CEP170: variants seen among roughly 807,000 people sequenced by gnomAD.
CEP170 encodes centrosomal protein 170, also known as centrosomal protein of 170 kDa.
A neutral mutation model predicts 151.9 loss-of-function variants in CEP170; 21 were observed. That is an observed-to-expected ratio of 0.14 (90% CI 0.10 to 0.20). The LOEUF is 0.20. Ranked by LOEUF, CEP170 falls within the 10% of genes least tolerant of loss-of-function variation. The pLI is 1.00. For missense variants in CEP170, 964 were observed against 1,892.9 expected, an observed-to-expected ratio of 0.51 and a Z score of 9.11; for synonymous variants, 356 against 648.8, an observed-to-expected ratio of 0.55 and a Z score of 6.86.
At chr1:243,172,500 T>C (rs2058920345) in intron 11 of CEP170, among the ~76,000 whole-genome samples, 197 bp downstream of exon 11, 3 of 152,178 alleles carry the variant, frequency 2.0e-5, no homozygotes, top group Admixed American at 2.0e-4. Context: ...GGCATGGCGG[T>C]GCACGCCTGT....
chr1:243,189,572 A>T (rs940308561), intron 8 of CEP170, among the ~76,000 whole-genome samples: 1 of 151,868 alleles, frequency 6.6e-6, no homozygotes, highest in Non-Finnish European at 1.5e-5. Context: ...AAAAAAAAAA[A>T]AATAGTAGTA....
intron 1 of CEP170, among the ~76,000 whole-genome samples, chr1:243,239,734 A>G (rs751318798): frequency 6.6e-6 from 1 of 152,156 alleles, no homozygotes; most frequent in Non-Finnish European, 1.5e-5. Context: ...CTGACCACCT[A>G]TCTTGCCCTT....
At chr1:243,224,376 C>T (rs947922282) in intron 2 of CEP170, among the ~76,000 whole-genome samples, 1 of 151,768 alleles carries the variant, frequency 6.6e-6, no homozygotes, top group African/African-American at 2.4e-5. Flanking sequence ...TCCAATCTTT[C>T]GGCTTCCCCG....
chr1:243,139,011 T>C (rs914077583), intron 16 of CEP170, among the ~76,000 whole-genome samples: 1 of 152,220 alleles, frequency 6.6e-6, no homozygotes, highest in African/African-American at 2.4e-5. Flanking sequence ...ATTGAATGAT[T>C]ATAATCTCAC....
chr1:243,146,840 T>C (rs137997663), intron 14 of CEP170, among the ~76,000 whole-genome samples: 83 of 152,240 alleles, frequency 5.5e-4, no homozygotes, highest in African/African-American at 1.9e-3. Context: ...GGGACTTATA[T>C]AACAGCACAT....
At chr1:243,147,810 A>G (rs1158249363) in intron 14 of CEP170, among the ~76,000 whole-genome samples, 2 of 152,192 alleles carry the variant, frequency 1.3e-5, no homozygotes, top group Non-Finnish European at 1.5e-5. Flanking sequence ...TTAGAGTTTG[A>G]CTTAAAAATT....
At chr1:243,244,379 A>ACC (rs67920320) in intron 1 of CEP170, among the ~76,000 whole-genome samples, 2 of 142,242 alleles carry the variant, frequency 1.4e-5, no homozygotes, top group South Asian at 2.3e-4. Context: ...ACACACACAC[A>ACC]CCCTCAAAAA....
intron 3 of CEP170, among the ~76,000 whole-genome samples, chr1:243,218,966 T>G (rs1558624108): frequency 6.6e-6 from 1 of 152,188 alleles, no homozygotes; most frequent in Non-Finnish European, 1.5e-5. Context: ...ACCTGATACT[T>G]AAAGTTCTAG....
chr1:243,145,834 A>T (rs1313742207), intron 14 of CEP170, among the ~76,000 whole-genome samples: 1 of 152,214 alleles, frequency 6.6e-6, no homozygotes, highest in African/African-American at 2.4e-5. Flanking sequence ...GAAATAATTT[A>T]GTCTAGTTTG....
chr1:243,161,478 CT>C (rs1426129164), intron 13 of CEP170, among the ~76,000 whole-genome samples: 5 of 151,674 alleles, frequency 3.3e-5, no homozygotes, highest in Non-Finnish European at 5.9e-5. Context: ...TTAAAAAAAA[CT>C]TTTTTTTAAT....
At chr1:243,235,764 T>C (rs763175868) in intron 1 of CEP170, among the ~76,000 whole-genome samples, 12 of 152,170 alleles carry the variant, frequency 7.9e-5, no homozygotes, top group Non-Finnish European at 1.5e-4. Context: ...GAGTTTATTA[T>C]ATATTTTTAA....
intron 7 of CEP170, among the ~76,000 whole-genome samples, chr1:243,197,876 T>TG (rs2060764360): frequency 6.6e-6 from 1 of 152,046 alleles, no homozygotes; most frequent in African/African-American, 2.4e-5. Context: ...AAACTGCTGG[T>TG]GACAGAAACA....
intron 3 of CEP170, among the ~76,000 whole-genome samples, chr1:243,212,734 G>A (rs765897315): frequency 1.3e-5 from 2 of 151,742 alleles, no homozygotes; most frequent in African/African-American, 4.8e-5. Context: ...TGCGATCATG[G>A]TGCACTGCAG....
chr1:243,153,879 T>C (rs181240028), intron 14 of CEP170, among the ~76,000 whole-genome samples: 227 of 152,366 alleles, frequency 1.5e-3, no homozygotes, highest in Non-Finnish European at 2.1e-3. Context: ...AAAGCTGGTA[T>C]TGTAGCTCTG....
At chr1:243,131,395 G>A (rs1192383708) in intron 17 of CEP170, among the ~76,000 whole-genome samples, 1 of 152,060 alleles carries the variant, frequency 6.6e-6, no homozygotes, top group Non-Finnish European at 1.5e-5. Context: ...AGAAGGCTGA[G>A]GTGGGAGGAT....
intron 1 of CEP170, among the ~76,000 whole-genome samples, chr1:243,237,185 T>C (rs1349962668): frequency 6.6e-6 from 1 of 152,232 alleles, no homozygotes; most frequent in Admixed American, 6.5e-5. Context: ...GCCTAAATTA[T>C]GCAGTTTTTC....
Position 243,185,030 on chromosome 1 carries a change from T to G in CEP170, c.1566+749A>C, listed in dbSNP as rs943982514. Among the ~76,000 whole-genome samples, 1 of 152,220 alleles carries G rather than the reference T, an allele frequency of 6.6e-6. No individual in the cohort carries two copies. The highest frequency in any genetic ancestry group is 2.4e-5 in the African/African-American group (1 of 41,458). Reference sequence around the variant, plus strand: ...AATATGAGGTTGGTGCAAAAGTCACTGCGGTTTTTGCCATTACTTTCAACG... The same window carrying G: ...AATATGAGGTTGGTGCAAAAGTCACGGCGGTTTTTGCCATTACTTTCAACG... On this transcript the variant is annotated intron_variant, in intron 10 of 19. Transcript: ENST00000366542. The surrounding 1 kb of genome is among the most constrained non-coding windows in gnomAD (Gnocchi z 4.9).
intron 8 of CEP170, among the ~76,000 whole-genome samples, chr1:243,189,341 G>C (rs899287917): frequency 6.6e-6 from 1 of 151,984 alleles, no homozygotes; most frequent in Non-Finnish European, 1.5e-5. Flanking sequence ...TGGATCACGA[G>C]GTCAGGAGAT....
At chr1:243,229,790 A>G (rs902582676) in intron 1 of CEP170, among the ~76,000 whole-genome samples, 1 of 152,234 alleles carries the variant, frequency 6.6e-6, no homozygotes, top group African/African-American at 2.4e-5. Flanking sequence ...GGAATTTATT[A>G]TATAAAGACA....
Sources: gnomAD v4.1 joint callset for allele counts (sites outside exome capture counted in the v4.1 genomes callset) on GRCh38, gnomAD v4.1.1 for gene constraint, Gnocchi (gnomAD v3.1) non-coding constraint, MANE v1.5 for transcripts, NCBI Gene and HGNC (gene_info 2026-07-23, HGNC 2026-07-21) for gene names.